Variants in C16orf74 observed in about 807,000 individuals in gnomAD.
The protein encoded by C16orf74 is calcimembrin, also known as uncharacterized protein C16orf74.
A neutral mutation model predicts 6.5 loss-of-function variants in C16orf74; 10 were observed. The observed-to-expected ratio is 1.54, with a 90% CI of 0.95 to 2.61. The LOEUF is 2.61. Among genes scored for constraint, C16orf74 ranks in the 30% most tolerant of loss-of-function variants. The pLI is 0.00. For synonymous variants in C16orf74, 60 were observed against 42.5 expected, an observed-to-expected ratio of 1.41 and a Z score of -1.60; for missense variants, 141 against 105.9, an observed-to-expected ratio of 1.33 and a Z score of -1.45.
At chr16:85,723,609 G>C (rs1378855091) in intron 2 of C16orf74, among the ~76,000 whole-genome samples, 1 of 152,182 alleles carries the variant, frequency 6.6e-6, no homozygotes, top group Non-Finnish European at 1.5e-5. Context: ...AATGTGAAGG[G>C]TACACACCCT....
chr16:85,710,687 A>G (rs13330761), intron 2 of C16orf74: 7,796 of 189,436 alleles, frequency 0.041, 638 homozygotes, highest in African/African-American at 0.17. Flanking sequence ...ACACTTCCCC[A>G]GACTCCCTAG....
intron 1 of C16orf74, among the ~76,000 whole-genome samples, chr16:85,746,596 A>C (rs2054375772): frequency 6.6e-6 from 1 of 152,110 alleles, no homozygotes; most frequent in African/African-American, 2.4e-5. Flanking sequence ...CTGCTTGCCT[A>C]ACAAAGACCT....
At position 85,738,933 on chromosome 16, in the gene C16orf74, T is replaced by A. The variant is rs73257216; in HGVS notation, c.-18-3698A>T. 5.5e-3 allele frequency among the ~76,000 whole-genome samples: 833 copies of A among 152,270 alleles called. 6 individuals carry two copies. The highest frequency in any genetic ancestry group is 0.019 in the African/African-American group (798 of 41,562). Reference sequence around the variant, plus strand: ...AAATTAGTTAACTTGCCTAAGGTCATCTGGGTAGCAAGTGACAGAACAGGG... The same window carrying A: ...AAATTAGTTAACTTGCCTAAGGTCAACTGGGTAGCAAGTGACAGAACAGGG... On this transcript the variant is annotated intron_variant, in intron 1 of 3. Coordinates refer to ENST00000284245, the MANE Select transcript of C16orf74 (RefSeq NM_206967.3).
In C16orf74 at chr16:85,708,042, C is replaced by T. The variant is rs1174109621; in HGVS notation, c.197G>A (p.Cys66Tyr). ...STVWLDETGSCPDDGEIDPEA is the reference protein window; with the variant it reads ...STVWLDETGSYPDDGEIDPEA ...TGGGTCGATTTCTCCATCATCTGGG[C>T]ACGACCCTGTCTCATCCAGCCAGAC... The change falls in exon 4 of 4, where the codon TGC becomes TAC. Residue 66 changes from cysteine to tyrosine, a missense_variant. Physicochemically the swap from Cys to Tyr is radical, Grantham distance 194. Coordinates refer to ENST00000284245, the MANE Select transcript of C16orf74 (RefSeq NM_206967.3). 1.3e-6 allele frequency: 2 copies of T among 1,553,482 alleles called. No individual in the cohort carries two copies. Among genetic ancestry groups the T allele is most frequent in the Admixed American group, 2.0e-5 (1 of 51,262 alleles).
At chr16:85,717,801 G>C (rs74652529) in intron 2 of C16orf74, among the ~76,000 whole-genome samples, 1,558 of 152,342 alleles carry the variant, frequency 0.01, 28 homozygotes, top group African/African-American at 0.036. Flanking sequence ...AGAGCCTGGG[G>C]AGCAGGGCTG....
At chr16:85,710,952 A>T (rs2053963413) in intron 2 of C16orf74, 1 of 152,178 alleles carries the variant, frequency 6.6e-6, no homozygotes, top group South Asian at 2.1e-4. Context: ...GACAGTCTCT[A>T]TTTCATTCAT....
chr16:85,715,595 C>T (rs908833904), intron 2 of C16orf74, among the ~76,000 whole-genome samples: 9 of 152,222 alleles, frequency 5.9e-5, no homozygotes, highest in African/African-American at 2.2e-4. Context: ...ACACACACAG[C>T]TTTGCCACGG....
rs2054270937 is a variant in C16orf74, at chr16:85,738,670, C to T, written c.-18-3435G>A. Among the ~76,000 whole-genome samples, 5 of 151,918 alleles carry T rather than the reference C, an allele frequency of 3.3e-5. No individual in the cohort carries two copies. The South Asian group carries it at 6.2e-4, about 19-fold the overall frequency. On this transcript the variant is annotated intron_variant, in intron 1 of 3. Coordinates refer to ENST00000284245, the MANE Select transcript of C16orf74 (RefSeq NM_206967.3). ...TTAAAAGCTCCCTGCAGGACTCTCA[C>T]ATGCAGGAGAGAGAATCCTTCCCTA...
At chr16:85,715,029 C>T (rs1473380312) in intron 2 of C16orf74, among the ~76,000 whole-genome samples, 3 of 151,502 alleles carry the variant, frequency 2.0e-5, no homozygotes, top group South Asian at 4.2e-4. Flanking sequence ...CGGTGGCGGG[C>T]GCCTGTAGTC....
chr16:85,737,461 G>C (rs534523805), intron 1 of C16orf74, among the ~76,000 whole-genome samples: 1 of 152,308 alleles, frequency 6.6e-6, no homozygotes, highest in African/African-American at 2.4e-5. Flanking sequence ...ACTTGGGGAG[G>C]CTGAGGCATG....
Position 85,709,892 on chromosome 16 carries a change from G to A in C16orf74, c.172+272C>T, listed in dbSNP as rs557693361. 7.9e-5 allele frequency among the ~76,000 whole-genome samples: 12 copies of A among 151,440 alleles called. 1 individual carries two copies. The highest frequency in any genetic ancestry group is 1.5e-4 in the Non-Finnish European group (10 of 67,354). ...TACCTTGGCTGGCCGGAGCCGCGGC[G>A]TGGCGGGCCAGCCCGGCCCCATCCA... On this transcript the variant is annotated intron_variant, in intron 3 of 3. Transcript: ENST00000284245.
chr16:85,708,159 G>A, intron 3 of C16orf74, 93 bp from the exon 4 acceptor site: 1 of 1,083,616 alleles, frequency 9.2e-7, no homozygotes, highest in Non-Finnish European at 1.4e-6. Flanking sequence ...GGGCCTCTGG[G>A]ATTCCTTGCT....
intron 2 of C16orf74, among the ~76,000 whole-genome samples, chr16:85,722,336 C>A (rs879564020): frequency 6.6e-6 from 1 of 152,154 alleles, no homozygotes; most frequent in East Asian, 1.9e-4. Context: ...CAGTTAGTAC[C>A]AGAGAAAGGT....
At chr16:85,750,697 C>G (rs1257995436) in intron 1 of C16orf74, among the ~76,000 whole-genome samples, 2 of 152,256 alleles carry the variant, frequency 1.3e-5, no homozygotes, top group Admixed American at 1.3e-4. Flanking sequence ...CAAGTTGCAG[C>G]GCGGCCAGAG....
chr16:85,707,784 G>A lies in C16orf74; in HGVS notation c.*224C>T. The A allele has an allele frequency of 1.8e-6, 1 of 558,568 alleles. No individual in the cohort carries two copies. The allele number at this position is 558,568 out of a possible 1,614,324, so 34.6% of individuals were successfully genotyped here. ...GGCCGGAGTCAGCAAGAACCTGGAG[G>A]TGTCAGAGGTCCGGTCCACTCAGCG... is the stretch of plus-strand genomic sequence containing the variant. On this transcript the variant is annotated 3_prime_UTR_variant, in exon 4 of 4. Transcript: ENST00000284245.
intron 2 of C16orf74, among the ~76,000 whole-genome samples, chr16:85,723,453 T>C (rs1226379189): frequency 1.3e-5 from 2 of 151,556 alleles, no homozygotes; most frequent in Non-Finnish European, 2.9e-5. Context: ...AGAGGAAGCA[T>C]GAACTTCTCC....
intron 1 of C16orf74, among the ~76,000 whole-genome samples, chr16:85,749,684 G>A (rs1054894589): frequency 2.6e-5 from 4 of 152,234 alleles, no homozygotes; most frequent in African/African-American, 9.6e-5. Context: ...GGAGTGCTCC[G>A]TAAGCATGAA....
chr16:85,728,982 T>TG (rs2054161174), intron 2 of C16orf74, among the ~76,000 whole-genome samples: 1 of 152,212 alleles, frequency 6.6e-6, no homozygotes, highest in Non-Finnish European at 1.5e-5. Context: ...GAGAATCTGA[T>TG]GGTCTGACTG....
At chr16:85,742,910 A>G (rs1366374610) in intron 1 of C16orf74, among the ~76,000 whole-genome samples, 5 of 152,198 alleles carry the variant, frequency 3.3e-5, no homozygotes, top group African/African-American at 1.2e-4. Context: ...GGACTAAGAC[A>G]GGTGTCACCT....
Sources: gnomAD v4.1 joint callset for allele counts (sites outside exome capture counted in the v4.1 genomes callset) on GRCh38, gnomAD v4.1.1 for gene constraint, MANE v1.5 for transcripts, NCBI Gene and HGNC (gene_info 2026-07-23, HGNC 2026-07-21) for gene names.